Variants in WDR20 observed in about 807,000 individuals in gnomAD.
WDR20 encodes WD repeat-containing protein 20.
A neutral mutation model predicts 38.7 loss-of-function variants in WDR20; 3 were observed. That is an observed-to-expected ratio of 0.08 (90% confidence interval 0.04 to 0.20). WDR20 has a LOEUF of 0.20. Ranked by LOEUF, WDR20 falls within the 10% of genes least tolerant of loss-of-function variation. The probability of loss-of-function intolerance (pLI) is 1.00; values close to 1 mark genes in which losing one functional copy is unlikely to be tolerated. For synonymous variants in WDR20, 298 were observed against 285.6 expected, an observed-to-expected ratio of 1.04 and a Z score of -0.44; for missense variants, 559 against 727.7, an observed-to-expected ratio of 0.77 and a Z score of 2.67.
At chr14:102,213,207 TTC>T, downstream of WDR20, 4 of 985,470 alleles carry the variant, frequency 4.1e-6, no homozygotes, top group Non-Finnish European at 4.8e-6. Flanking sequence ...CCTGGAGCCT[TTC>T]TCTGAGGCTT....
chr14:102,212,322 G>A (rs113926818), downstream of WDR20, among the ~76,000 whole-genome samples: 37 of 152,234 alleles, frequency 2.4e-4, no homozygotes, highest in African/African-American at 6.3e-4. Context: ...GGGCCCCTTC[G>A]TTGTGTCTAC....
intron 1 of WDR20, among the ~76,000 whole-genome samples, chr14:102,164,259 T>C (rs1017954126): frequency 6.6e-6 from 1 of 152,200 alleles, no homozygotes; most frequent in East Asian, 1.9e-4. Context: ...CCAGCCACTT[T>C]TAATCATTGA....
In WDR20 at chr14:102,166,355, GTCTT is replaced by G. The variant is rs1210304850; in HGVS notation, c.249+26189_249+26192del. On this transcript the variant is annotated intron_variant, in intron 1 of 2. Transcript: ENST00000342702. ...ATATTGGTTGTTTGAGATTTGGTGA[GTCTT>G]TCTTTGTAACCTAGTTAAACCATTC... Among the ~76,000 whole-genome samples the G allele has an allele frequency of 5.3e-5, 8 of 152,160 alleles. No individual in the cohort carries two copies. The South Asian group carries it at 1.7e-3, about 32-fold the overall frequency.
At chr14:102,154,361 C>A (rs2056872996) in intron 1 of WDR20, among the ~76,000 whole-genome samples, 1 of 152,142 alleles carries the variant, frequency 6.6e-6, no homozygotes, top group Non-Finnish European at 1.5e-5. Flanking sequence ...TTGGTGTCTA[C>A]TCACTGTGTC....
chr14:102,213,594 G>A (rs920299963), downstream of WDR20: 17 of 985,284 alleles, frequency 1.7e-5, no homozygotes, highest in African/African-American at 7.0e-5. Flanking sequence ...CAAGGACACC[G>A]TCCGGGCGGG....
In WDR20 at chr14:102,140,107, G is replaced by C; in HGVS notation, c.184G>C (p.Gly62Arg). ...AAACCTCAACGACCAGTCTGGCAAC[G>C]GCGACCGCCTCTGCTTCAATGTGGG... ...FVNLNDQSGN[G>R]DRLCFNVGRE... Residue 62 changes from glycine to arginine, a missense_variant, in exon 1 of 3, where the codon GGC (glycine) becomes CGC (arginine). By Grantham distance (125) the Gly-to-Arg change is moderately radical. Coordinates refer to ENST00000342702, the MANE Select transcript of WDR20 (RefSeq NM_144574.4). 6.2e-7 allele frequency: 1 copy of C among 1,614,086 alleles called. No individual in the cohort carries two copies. Among genetic ancestry groups the C allele is most frequent in the Non-Finnish European group, 8.5e-7 (1 of 1,180,014 alleles).
intron 1 of WDR20, among the ~76,000 whole-genome samples, chr14:102,150,887 A>G (rs1465068843): frequency 6.6e-6 from 1 of 152,200 alleles, no homozygotes; most frequent in Non-Finnish European, 1.5e-5. Flanking sequence ...TCTGCTGTCA[A>G]AGAGTTCACA....
chr14:102,194,849 A>G lies in WDR20; in HGVS notation c.250-89A>G, dbSNP rs983385608. 7 of 1,322,970 alleles carry G rather than the reference A, an allele frequency of 5.3e-6. No individual in the cohort carries two copies. In the African/African-American group the frequency reaches 1.0e-4, roughly 20 times the overall value. 82.0% of individuals were successfully genotyped at this position (1,322,970 alleles called of 1,614,324 possible). A position where few individuals can be genotyped will look rare whatever the true frequency, so the allele number is the denominator to read the frequency against. On this transcript the variant is annotated intron_variant, in intron 1 of 2. Coordinates refer to ENST00000342702, the MANE Select transcript of WDR20 (RefSeq NM_144574.4). ...TTAAATCACTTTGTTTTTAAGATGA[A>G]ACATCATAATGGAGTATAAAGTAGC...
chr14:102,212,619 AG>A, downstream of WDR20: 1 of 1,534,768 alleles, frequency 6.5e-7, no homozygotes, highest in Non-Finnish European at 8.7e-7. Flanking sequence ...CACTGGAGAG[AG>A]GGGCAGGGAA....
chr14:102,172,809 T>C (rs1362621147), intron 1 of WDR20, among the ~76,000 whole-genome samples: 2 of 135,446 alleles, frequency 1.5e-5, no homozygotes, highest in Admixed American at 7.2e-5. Context: ...TCCTCACTTC[T>C]CAGACGGGGC....
At chr14:102,219,122 G>T (rs1239310859), downstream of WDR20, among the ~76,000 whole-genome samples, 2 of 152,234 alleles carry the variant, frequency 1.3e-5, no homozygotes, top group African/African-American at 4.8e-5. Context: ...CTGCAGCCGG[G>T]ATCCTTCCAT....
chr14:102,159,337 G>A (rs2058147155), intron 1 of WDR20, among the ~76,000 whole-genome samples: 1 of 152,090 alleles, frequency 6.6e-6, no homozygotes, highest in Non-Finnish European at 1.5e-5. Flanking sequence ...TGTTTAAATT[G>A]TCTCAGCCCT....
intron 1 of WDR20, among the ~76,000 whole-genome samples, chr14:102,186,433 C>G (rs575187653): frequency 2.2e-4 from 33 of 152,188 alleles, no homozygotes; most frequent in African/African-American, 6.3e-4. Context: ...CAGTTATTTC[C>G]CATTATGTTG....
intron 1 of WDR20, among the ~76,000 whole-genome samples, chr14:102,182,674 G>GT (rs1188988984): frequency 1.3e-5 from 2 of 151,448 alleles, no homozygotes; most frequent in East Asian, 3.9e-4. Context: ...AGTTTTAGTA[G>GT]TTTTTTTGGT....
At chr14:102,193,631 C>A in intron 1 of WDR20, 1 of 902,802 alleles carries the variant, frequency 1.1e-6, no homozygotes, top group Non-Finnish European at 1.6e-6. Context: ...TTTGAGTTTG[C>A]TCAAAGACGC....
At chr14:102,140,884 A>G (rs551532516) in intron 1 of WDR20, among the ~76,000 whole-genome samples, 6 of 152,298 alleles carry the variant, frequency 3.9e-5, no homozygotes, top group East Asian at 1.9e-4. Context: ...GTTTCCAGTG[A>G]ACTAAGCTGG....
chr14:102,168,232 T>C (rs1259856258), intron 1 of WDR20, among the ~76,000 whole-genome samples: 1 of 152,194 alleles, frequency 6.6e-6, no homozygotes, highest in East Asian at 1.9e-4. Context: ...AGCCTGTTAA[T>C]CATTCAAATC....
intron 1 of WDR20, among the ~76,000 whole-genome samples, chr14:102,184,440 C>T (rs1354294339): frequency 1.3e-5 from 2 of 152,166 alleles, no homozygotes; most frequent in South Asian, 4.1e-4. Flanking sequence ...GAAAAAGTGA[C>T]ATGTGAGAAC....
In WDR20 at chr14:102,194,971, A is replaced by T; in HGVS notation, c.283A>T (p.Ile95Leu). Reference protein sequence around the residue: ...ADLSKPIDKRIYKGTQPTCHD... With the variant: ...ADLSKPIDKRLYKGTQPTCHD... ...CTTGAGTAAACCAATAGATAAAAGGATATACAAAGGAACACAGCCTACTTG... is the reference window on the plus strand; with the variant it reads ...CTTGAGTAAACCAATAGATAAAAGGTTATACAAAGGAACACAGCCTACTTG... Residue 95 changes from isoleucine (I) to leucine (L), a missense_variant, in exon 2 of 3, where the codon ATA becomes TTA. Ile to Leu is a conservative substitution (Grantham distance 5). Coordinates refer to ENST00000342702, the MANE Select transcript of WDR20 (RefSeq NM_144574.4). 6.2e-7 allele frequency: 1 copy of T among 1,614,236 alleles called. No individual in the cohort carries two copies. Among genetic ancestry groups the T allele is most frequent in the Non-Finnish European group, 8.5e-7 (1 of 1,180,046 alleles).
Sources: allele counts gnomAD v4.1 joint callset (sites outside exome capture counted in the v4.1 genomes callset), GRCh38; gene constraint gnomAD v4.1.1; transcripts MANE v1.5; gene names NCBI Gene and HGNC (gene_info 2026-07-23, HGNC 2026-07-21).